CDC42SE2: variants seen among roughly 807,000 people sequenced by gnomAD.
CDC42SE2 encodes CDC42 small effector 2, also known as CDC42 small effector protein 2.
A neutral mutation model predicts 11.5 loss-of-function variants in CDC42SE2; 3 were observed. That is an observed-to-expected ratio of 0.26 (90% confidence interval 0.12 to 0.67). The LOEUF is 0.67. CDC42SE2 is among the 30% of genes least tolerant of loss of function. The pLI is 0.80. For synonymous variants in CDC42SE2, 33 were observed against 34.8 expected, an observed-to-expected ratio of 0.95 and a Z score of 0.18; for missense variants, 82 against 106.8, an observed-to-expected ratio of 0.77 and a Z score of 1.02.
intron 2 of CDC42SE2, among the ~76,000 whole-genome samples, chr5:131,357,442 C>T (rs1054199807): frequency 3.3e-5 from 5 of 152,330 alleles, no homozygotes; most frequent in Admixed American, 6.5e-5. Flanking sequence ...AAATCACCGT[C>T]ACTTCTGTCT....
chr5:131,302,820 ACT>A (rs563838802), intron 1 of CDC42SE2, among the ~76,000 whole-genome samples: 248 of 144,030 alleles, frequency 1.7e-3, no homozygotes, highest in African/African-American at 6.0e-3. Context: ...TTGCCTCATG[ACT>A]CTTTTTTTTT....
chr5:131,281,352 C>G (rs1293252888), intron 1 of CDC42SE2, among the ~76,000 whole-genome samples: 7 of 152,054 alleles, frequency 4.6e-5, no homozygotes, highest in Non-Finnish European at 1.0e-4. Flanking sequence ...GTTGATGTGG[C>G]CTTTTCTACT....
chr5:131,287,516 G>A (rs774018268), intron 1 of CDC42SE2, among the ~76,000 whole-genome samples: 1 of 151,082 alleles, frequency 6.6e-6, no homozygotes, highest in Non-Finnish European at 1.5e-5. Flanking sequence ...CCAGGCGAGT[G>A]CAGTGGCACG....
intron 1 of CDC42SE2, among the ~76,000 whole-genome samples, chr5:131,268,355 G>C (rs114708038): frequency 0.018 from 2,681 of 151,678 alleles, 36 homozygotes; most frequent in Non-Finnish European, 0.027. Flanking sequence ...GAGCCACCGT[G>C]CCCGGTCAAG....
At chr5:131,285,142 C>G (rs957481468) in intron 1 of CDC42SE2, among the ~76,000 whole-genome samples, 5 of 151,764 alleles carry the variant, frequency 3.3e-5, no homozygotes, top group Non-Finnish European at 7.4e-5. Flanking sequence ...AAAAAATTGC[C>G]TGGTGAGGTG....
chr5:131,325,788 C>T (rs1186150188), intron 2 of CDC42SE2, among the ~76,000 whole-genome samples: 1 of 152,144 alleles, frequency 6.6e-6, no homozygotes, highest in Non-Finnish European at 1.5e-5. Context: ...CCTACTATTC[C>T]ATATATCTCT....
At chr5:131,385,402 A>G (rs946797863) in intron 3 of CDC42SE2, 141 bp from the exon 4 acceptor site, 2 of 553,510 alleles carry the variant, frequency 3.6e-6, no homozygotes, top group African/African-American at 1.9e-5. Context: ...GGATTTCATC[A>G]TAAGAAGTAA....
intron 4 of CDC42SE2, 25 bp from the exon 5 acceptor site, chr5:131,390,968 T>C: frequency 6.6e-7 from 1 of 1,520,650 alleles, no homozygotes; most frequent in Non-Finnish European, 9.1e-7. Flanking sequence ...CCATTTTGTT[T>C]TGTTGTATTT....
At chr5:131,310,931 G>T (rs1333506147) in intron 1 of CDC42SE2, among the ~76,000 whole-genome samples, 5 of 151,562 alleles carry the variant, frequency 3.3e-5, no homozygotes, top group East Asian at 1.9e-4. Context: ...GGAGCATTTA[G>T]TCCATTTACA....
At chr5:131,214,230 C>G in the CDC42SE2 span, among the ~76,000 whole-genome samples, 4 of 152,112 alleles carry the variant, frequency 2.6e-5, no homozygotes, top group Non-Finnish European at 5.9e-5. Context: ...AGTTGGAGAT[C>G]AGTGTGGTGA....
At chr5:131,371,966 C>G (rs954560800) in intron 3 of CDC42SE2, among the ~76,000 whole-genome samples, 9 of 152,192 alleles carry the variant, frequency 5.9e-5, no homozygotes, top group African/African-American at 1.7e-4. Context: ...ACATGTCTAT[C>G]ATTTTAATTT....
At chr5:131,312,526 C>T (rs1757943897) in intron 1 of CDC42SE2, among the ~76,000 whole-genome samples, 1 of 152,146 alleles carries the variant, frequency 6.6e-6, no homozygotes, top group Non-Finnish European at 1.5e-5. Flanking sequence ...ATGGTGGGTG[C>T]CCCTCCCCCA....
chr5:131,338,001 G>A (rs1374542066), intron 2 of CDC42SE2, among the ~76,000 whole-genome samples: 3 of 152,194 alleles, frequency 2.0e-5, no homozygotes, highest in Non-Finnish European at 2.9e-5. Flanking sequence ...AGATGAACCC[G>A]GTATCTCAGT....
chr5:131,263,737 A>C (rs1431205457), upstream of CDC42SE2: 1 of 139,822 alleles, frequency 7.2e-6, no homozygotes, highest in East Asian at 2.3e-4. Context: ...GGGCTCCCCC[A>C]CGCTCCCGCC....
chr5:131,273,168 T>TA (rs1030866727), intron 1 of CDC42SE2, among the ~76,000 whole-genome samples: 1 of 148,798 alleles, frequency 6.7e-6, no homozygotes, highest in African/African-American at 2.4e-5. Flanking sequence ...ATTTTTTTTT[T>TA]TTTTTGAGAT....
chr5:131,322,024 G>C (rs1369443943), intron 2 of CDC42SE2, among the ~76,000 whole-genome samples: 2 of 151,688 alleles, frequency 1.3e-5, no homozygotes, highest in African/African-American at 4.8e-5. Context: ...CTAATTTTTT[G>C]TATTTTTAGT....
At chr5:131,337,340 G>T (rs1758594083) in intron 2 of CDC42SE2, among the ~76,000 whole-genome samples, 1 of 152,186 alleles carries the variant, frequency 6.6e-6, no homozygotes. Context: ...TTTTGTCTCA[G>T]AGGAGTACCC....
chr5:131,290,566 C>T (rs1757437965), intron 1 of CDC42SE2, among the ~76,000 whole-genome samples: 2 of 149,900 alleles, frequency 1.3e-5, no homozygotes, highest in Admixed American at 6.7e-5. Flanking sequence ...GCAGCCTCCA[C>T]CTCCCAGGGC....
chr5:131,393,617 G>A lies in CDC42SE2; in HGVS notation c.*2526G>A, dbSNP rs538107224. On this transcript the variant is annotated 3_prime_UTR_variant, in exon 5 of 5. Transcript: ENST00000505065. ...GTTTCTTGGCCAGGGACATTGCTAT[G>A]TGCTGTGTGCAAGCTCTTTAGAAGA... 60 of 152,502 alleles carry A rather than the reference G, an allele frequency of 3.9e-4. No homozygotes were observed. The highest frequency in any genetic ancestry group is 1.4e-3 in the African/African-American group (59 of 41,592). The allele number at this position is 152,502 out of a possible 1,614,324, so 9.4% of individuals were successfully genotyped here.
Sources: gnomAD v4.1 joint callset for allele counts (sites outside exome capture counted in the v4.1 genomes callset) on GRCh38, gnomAD v4.1.1 for gene constraint, MANE v1.5 for transcripts, NCBI Gene and HGNC (gene_info 2026-07-23, HGNC 2026-07-21) for gene names.